SYT16: variants seen among roughly 807,000 people sequenced by gnomAD.
The protein encoded by SYT16 is synaptotagmin-16.
In SYT16, 42 loss-of-function variants were observed where a neutral mutation model predicts 61.4. That is an observed-to-expected ratio of 0.68 (90% CI 0.53 to 0.89). SYT16 has a LOEUF of 0.89. Among genes scored for constraint, SYT16 ranks in the 40% least tolerant of loss-of-function variants. SYT16 has a pLI of 0.00. For missense variants in SYT16, 804 were observed against 807.3 expected, an observed-to-expected ratio of 1.00 and a Z score of 0.05; for synonymous variants, 314 against 302.3, an observed-to-expected ratio of 1.04 and a Z score of -0.40.
chr14:61,945,041 G>GA lies in SYT16; in HGVS notation c.-324-25083dup, dbSNP rs1396948975. On this transcript the variant is annotated intron_variant, in intron 1 of 7. Coordinates refer to ENST00000683842, the MANE Select transcript of SYT16 (RefSeq NM_001367656.1). ...ACAAGGAACTTAAACAAATTTACAA[G>GA]AAAAAAAACAACCCCATCAAAAAGT... Among the ~76,000 whole-genome samples, 14 of 151,460 alleles carry GA rather than the reference G, an allele frequency of 9.2e-5. 1 individual carries two copies. The highest frequency in any genetic ancestry group is 5.9e-4 in the Admixed American group (9 of 15,220).
At chr14:61,858,352 T>C (rs2046850401) in intron 1 of SYT16, among the ~76,000 whole-genome samples, 1 of 152,060 alleles carries the variant, frequency 6.6e-6, no homozygotes, top group South Asian at 2.1e-4. Flanking sequence ...CTCAATGTTA[T>C]TACATGTACA....
chr14:61,927,869 T>G (rs2049598184), intron 1 of SYT16, among the ~76,000 whole-genome samples: 1 of 152,114 alleles, frequency 6.6e-6, no homozygotes, highest in African/African-American at 2.4e-5. Flanking sequence ...GTGGAGGTGC[T>G]TTTCCAGGAA....
intron 1 of SYT16, among the ~76,000 whole-genome samples, chr14:61,884,286 A>G (rs2047810197): frequency 6.6e-6 from 1 of 152,324 alleles, no homozygotes; most frequent in South Asian, 2.1e-4. Context: ...TCCATTCATC[A>G]GCAATAAGTC....
At chr14:62,020,969 T>A (rs1214550951) in intron 3 of SYT16, among the ~76,000 whole-genome samples, 1 of 152,220 alleles carries the variant, frequency 6.6e-6, no homozygotes. Flanking sequence ...TTTCTGATTT[T>A]TAAAAAACCT....
intron 2 of SYT16, among the ~76,000 whole-genome samples, chr14:61,975,838 G>A (rs546804527): frequency 2.0e-5 from 3 of 152,140 alleles, no homozygotes; most frequent in South Asian, 2.1e-4. Flanking sequence ...TGTCTCTTTC[G>A]CATTTCAAAC....
intron 7 of SYT16, among the ~76,000 whole-genome samples, chr14:62,090,062 G>A (rs2057018112): frequency 6.6e-6 from 1 of 152,182 alleles, no homozygotes; most frequent in Admixed American, 6.5e-5. Context: ...ATTAAATGAG[G>A]TTAACAAGCT....
rs757827093 is a variant in SYT16 at position 62,075,396 on chromosome 14, GTTAT to G, written c.993+8_993+11del. The G allele has an allele frequency of 5.0e-6, 8 of 1,587,008 alleles. No homozygotes were observed. The highest frequency in any genetic ancestry group is 2.2e-5 in the South Asian group (2 of 89,206). On this transcript the variant is annotated splice_donor_region_variant and intron_variant, in intron 5 of 7. Transcript: ENST00000683842. ...TCCTCCATGTGGAGTCCAGAGGCAA[GTTAT>G]TTGTTTTTCATTCTTTCATTGGTTC... is the stretch of plus-strand genomic sequence containing the variant.
At chr14:61,962,558 T>A (rs2140504909) in intron 1 of SYT16, among the ~76,000 whole-genome samples, 1 of 152,320 alleles carries the variant, frequency 6.6e-6, no homozygotes, top group South Asian at 2.1e-4. Flanking sequence ...CCTCCCAGTA[T>A]TTAGGAAGTT....
At chr14:61,910,889 A>T (rs2048909875) in intron 1 of SYT16, among the ~76,000 whole-genome samples, 1 of 152,162 alleles carries the variant, frequency 6.6e-6, no homozygotes. Context: ...CAAGGTAATA[A>T]ACCTCCCTGC....
intron 3 of SYT16, among the ~76,000 whole-genome samples, chr14:62,050,481 T>C (rs28759726): frequency 0.45 from 68,725 of 152,046 alleles, 18,696 homozygotes; most frequent in African/African-American, 0.77. Flanking sequence ...TCGTCAAAGT[T>C]ATTCTCCGTC....
At chr14:61,937,494 C>T (rs1202364815) in intron 1 of SYT16, among the ~76,000 whole-genome samples, 2 of 152,194 alleles carry the variant, frequency 1.3e-5, no homozygotes, top group African/African-American at 4.8e-5. Flanking sequence ...TGCTCAATCT[C>T]CACTGCTCCT....
intron 1 of SYT16, among the ~76,000 whole-genome samples, chr14:61,893,840 C>T (rs536364714): frequency 6.6e-6 from 1 of 152,350 alleles, no homozygotes; most frequent in South Asian, 2.1e-4. Context: ...GGTCCCATGT[C>T]CCCCGATTCT....
At chr14:61,915,197 G>A (rs1235718576) in intron 1 of SYT16, among the ~76,000 whole-genome samples, 5 of 151,952 alleles carry the variant, frequency 3.3e-5, no homozygotes, top group Non-Finnish European at 7.4e-5. Flanking sequence ...GCCTTTTTTT[G>A]GGTGGTAAAG....
intron 1 of SYT16, among the ~76,000 whole-genome samples, chr14:61,926,101 A>G (rs1242959407): frequency 6.6e-6 from 1 of 152,212 alleles, no homozygotes; most frequent in Non-Finnish European, 1.5e-5. Context: ...ACTTAGCAGC[A>G]TATGTGTGGG....
At chr14:61,938,315 A>G (rs977158338) in intron 1 of SYT16, among the ~76,000 whole-genome samples, 2 of 151,988 alleles carry the variant, frequency 1.3e-5, no homozygotes, top group Non-Finnish European at 2.9e-5. Context: ...GGAATATTAG[A>G]CGTGGGCCTT....
At chr14:62,093,805 G>A (rs910880702) in intron 7 of SYT16, among the ~76,000 whole-genome samples, 1 of 152,116 alleles carries the variant, frequency 6.6e-6, no homozygotes, top group African/African-American at 2.4e-5. Flanking sequence ...AATCTTAGCA[G>A]ATGTGTAATA....
At chr14:62,022,664 A>T (rs964469487) in intron 3 of SYT16, among the ~76,000 whole-genome samples, 1 of 151,704 alleles carries the variant, frequency 6.6e-6, no homozygotes, top group Non-Finnish European at 1.5e-5. Flanking sequence ...GTCATACACT[A>T]TTTGTGCTTT....
At chr14:62,013,879 G>A (rs867674368) in intron 3 of SYT16, among the ~76,000 whole-genome samples, 1 of 151,878 alleles carries the variant, frequency 6.6e-6, no homozygotes, top group Non-Finnish European at 1.5e-5. Context: ...CAAAAGAATT[G>A]CTTGAACCTG....
intron 3 of SYT16, among the ~76,000 whole-genome samples, chr14:62,057,227 A>G (rs2055602570): frequency 1.3e-5 from 2 of 152,232 alleles, no homozygotes; most frequent in Non-Finnish European, 2.9e-5. Flanking sequence ...ATACCCAGGA[A>G]CAATACTTTG....
Sources: gnomAD v4.1 joint callset for allele counts (sites outside exome capture counted in the v4.1 genomes callset) on GRCh38, gnomAD v4.1.1 for gene constraint, MANE v1.5 for transcripts, NCBI Gene and HGNC (gene_info 2026-07-23, HGNC 2026-07-21) for gene names.